The following LYPLAL1 variants were observed in gnomAD, a reference collection of about 807,000 sequenced individuals.
LYPLAL1 encodes lysophospholipase like 1.
A neutral mutation model predicts 19.7 loss-of-function variants in LYPLAL1; 23 were observed. The observed-to-expected ratio is 1.17, with a 90% confidence interval of 0.84 to 1.65. LYPLAL1 has a LOEUF of 1.65. Among genes scored for constraint, LYPLAL1 ranks in the 40% most tolerant of loss-of-function variants. The pLI is 0.00. For missense variants in LYPLAL1, 355 were observed against 279.4 expected (o/e 1.27, Z -1.93); for synonymous variants, 119 against 96.3 (o/e 1.24, Z -1.38).
At chr1:219,286,340 G>A in the LYPLAL1 span, among the ~76,000 whole-genome samples, 1 of 152,168 alleles carries the variant, frequency 6.6e-6, no homozygotes, top group Non-Finnish European at 1.5e-5. Context: ...ATGAATTTCA[G>A]TCCTGATTGG....
the LYPLAL1 span, among the ~76,000 whole-genome samples, chr1:219,373,863 CA>C: frequency 0.3 from 30,313 of 102,058 alleles, 2,926 homozygotes; most frequent in Admixed American, 0.35. Flanking sequence ...ATAAAATTGT[CA>C]AAAAAAAAAA....
At chr1:219,324,358 G>C in the LYPLAL1 span, among the ~76,000 whole-genome samples, 2 of 152,144 alleles carry the variant, frequency 1.3e-5, no homozygotes, top group African/African-American at 4.8e-5. Flanking sequence ...TGGAGGAACT[G>C]GGTCAGCTCT....
the LYPLAL1 span, among the ~76,000 whole-genome samples, chr1:219,245,418 A>G: frequency 6.6e-6 from 1 of 152,190 alleles, no homozygotes; most frequent in Non-Finnish European, 1.5e-5. Context: ...AACCTCATCC[A>G]TTCTCTGCTG....
chr1:219,293,550 G>A, the LYPLAL1 span, among the ~76,000 whole-genome samples: 31 of 151,410 alleles, frequency 2.0e-4, 2 homozygotes, highest in South Asian at 1.7e-3. Flanking sequence ...ATTTAAATAC[G>A]GAATCAAGAA....
chr1:219,329,937 CCTT>C, the LYPLAL1 span, among the ~76,000 whole-genome samples: 1 of 152,018 alleles, frequency 6.6e-6, no homozygotes, highest in Non-Finnish European at 1.5e-5. Context: ...TATCTTTTGA[CCTT>C]CTTTCTTTCT....
chr1:219,223,384 T>C, the LYPLAL1 span, among the ~76,000 whole-genome samples: 8 of 152,198 alleles, frequency 5.3e-5, no homozygotes, highest in South Asian at 2.1e-4. Flanking sequence ...AATCCTGTTA[T>C]AATCCTCCTG....
At chr1:219,349,192 A>G in the LYPLAL1 span, among the ~76,000 whole-genome samples, 1 of 152,216 alleles carries the variant, frequency 6.6e-6, no homozygotes, top group Non-Finnish European at 1.5e-5. Context: ...GATAGTCCCC[A>G]CGTCTTGACC....
At chr1:219,410,776 TG>T in the LYPLAL1 span, among the ~76,000 whole-genome samples, 6 of 152,206 alleles carry the variant, frequency 3.9e-5, no homozygotes, top group African/African-American at 1.4e-4. Context: ...CCCCGGGCAA[TG>T]GGGGACTTAG....
the LYPLAL1 span, among the ~76,000 whole-genome samples, chr1:219,299,136 C>T: frequency 9.5e-6 from 1 of 105,504 alleles, no homozygotes; most frequent in Non-Finnish European, 1.8e-5. Context: ...CTGCCCTCCC[C>T]CAGCTTTTTT....
chr1:219,288,037 A>G, the LYPLAL1 span, among the ~76,000 whole-genome samples: 19 of 152,252 alleles, frequency 1.2e-4, no homozygotes, highest in East Asian at 3.3e-3. Context: ...TTCTCCATAA[A>G]TTACCCAGTC....
chr1:219,395,181 G>A, the LYPLAL1 span, among the ~76,000 whole-genome samples: 2 of 152,126 alleles, frequency 1.3e-5, no homozygotes, highest in African/African-American at 4.8e-5. Context: ...TTGTTTTTAG[G>A]TCTTTGAGAA....
chr1:219,209,295 G>A (rs954288812), intron 3 of LYPLAL1, among the ~76,000 whole-genome samples: 1 of 151,972 alleles, frequency 6.6e-6, no homozygotes, highest in Non-Finnish European at 1.5e-5. Flanking sequence ...CTTCTCTCGG[G>A]TATTTGTGTT....
At chr1:219,338,947 C>A in the LYPLAL1 span, among the ~76,000 whole-genome samples, 1 of 151,518 alleles carries the variant, frequency 6.6e-6, no homozygotes, top group Non-Finnish European at 1.5e-5. Context: ...TTGATTAGAC[C>A]AAATTAGATC....
chr1:219,379,971 A>C, the LYPLAL1 span, among the ~76,000 whole-genome samples: 1 of 152,240 alleles, frequency 6.6e-6, no homozygotes, highest in Non-Finnish European at 1.5e-5. Context: ...AAAGGCAGGA[A>C]CTGGCTGGGG....
chr1:219,243,954 G>A, the LYPLAL1 span, among the ~76,000 whole-genome samples: 1 of 151,422 alleles, frequency 6.6e-6, no homozygotes, highest in Non-Finnish European at 1.5e-5. Context: ...AGGTAGGGAG[G>A]TAGGGGAGGG....
the LYPLAL1 span, among the ~76,000 whole-genome samples, chr1:219,378,721 G>A: frequency 8.5e-5 from 13 of 152,226 alleles, no homozygotes; most frequent in South Asian, 1.5e-3. Context: ...GACATGGAGT[G>A]CTTTAGCATG....
At chr1:219,210,357 A>G (rs1294455872) in intron 3 of LYPLAL1, 175 bp from the exon 4 acceptor site, 2 of 428,114 alleles carry the variant, frequency 4.7e-6, no homozygotes, top group East Asian at 7.7e-5. Flanking sequence ...TAGAGGGAAC[A>G]GGGTTATTTA....
the LYPLAL1 span, among the ~76,000 whole-genome samples, chr1:219,251,976 A>G: frequency 6.6e-6 from 1 of 151,820 alleles, no homozygotes; most frequent in African/African-American, 2.4e-5. Context: ...TGTAATTCTC[A>G]TTGTAGAGAC....
chr1:219,272,861 T>G, the LYPLAL1 span: 1 of 150,752 alleles, frequency 6.6e-6, no homozygotes. Flanking sequence ...AGAATCGGAA[T>G]TGCTGTATTA....
Sources: allele counts gnomAD v4.1 joint callset (sites outside exome capture counted in the v4.1 genomes callset), GRCh38; gene constraint gnomAD v4.1.1; transcripts MANE v1.5; gene names NCBI Gene and HGNC (gene_info 2026-07-23, HGNC 2026-07-21).